Variants in RECQL observed in about 807,000 individuals in gnomAD.
RECQL encodes ATP-dependent DNA helicase Q1.
A neutral mutation model predicts 75.8 loss-of-function variants in RECQL; 73 were observed. That is an observed-to-expected ratio of 0.96 (90% CI 0.80 to 1.17). RECQL has a LOEUF of 1.17. Ranked by LOEUF, RECQL falls within the 50% of genes most tolerant of loss-of-function variation. The probability of loss-of-function intolerance (pLI) is 0.00; values close to 1 mark genes in which losing one functional copy is unlikely to be tolerated. For synonymous variants in RECQL, 248 were observed against 254.4 expected, an observed-to-expected ratio of 0.97 and a Z score of 0.24; for missense variants, 699 against 772.1, an observed-to-expected ratio of 0.91 and a Z score of 1.12.
intron 5 of RECQL, among the ~76,000 whole-genome samples, chr12:21,484,906 G>C (rs1260075180): frequency 1.3e-5 from 2 of 150,690 alleles, no homozygotes; most frequent in African/African-American, 4.9e-5. Context: ...AACTCATAAA[G>C]AAAGGGAAAA....
chr12:21,471,734 A>T (rs1477782983), intron 12 of RECQL, 87 bp from the exon 13 acceptor site: 2 of 1,044,166 alleles, frequency 1.9e-6, no homozygotes, highest in Non-Finnish European at 2.9e-6. Context: ...AACTGGTTTA[A>T]AGCTGGTTAT....
At chr12:21,475,068 G>A (rs1943056972) in intron 10 of RECQL, 89 bp from the exon 11 acceptor site, 2 of 1,285,490 alleles carry the variant, frequency 1.6e-6, no homozygotes, top group African/African-American at 1.5e-5. Flanking sequence ...AGCAGGCAAT[G>A]TTTTATACTA....
At chr12:21,493,961 G>A (rs781211902) in intron 2 of RECQL, among the ~76,000 whole-genome samples, 94 of 152,312 alleles carry the variant, frequency 6.2e-4, no homozygotes, top group Non-Finnish European at 7.6e-4. Context: ...ATATAAAGGC[G>A]TATCCGAGGC....
intron 4 of RECQL, among the ~76,000 whole-genome samples, chr12:21,488,191 C>G (rs1012633574): frequency 6.6e-6 from 1 of 152,198 alleles, no homozygotes. Context: ...CTCATTGAAA[C>G]TTACATCCTT....
intron 9 of RECQL, 38 bp from the exon 10 acceptor site, chr12:21,475,623 A>G (rs113843129): frequency 1.2e-5 from 20 of 1,606,314 alleles, no homozygotes; most frequent in African/African-American, 1.2e-4. Context: ...AATTAAATCA[A>G]GTTTAAATAT....
Position 21,473,217 on chromosome 12 carries a change from TA to T in RECQL, c.1447+333del, listed in dbSNP as rs747411321. On this transcript the variant is annotated intron_variant, in intron 12 of 14. Transcript: ENST00000444129. ...GGTCCCAAGAGATTATATAATACCATATATTTTTTTTTGAGACGGAGTCTCG... is the reference window on the plus strand; with the variant it reads ...GGTCCCAAGAGATTATATAATACCATTATTTTTTTTTGAGACGGAGTCTCG... Among the ~76,000 whole-genome samples the T allele has an allele frequency of 1.2e-4, 18 of 152,222 alleles. 1 individual carries two copies. The East Asian group carries it at 2.1e-3, about 18-fold the overall frequency.
In RECQL at chr12:21,475,814, A is replaced by G. The variant is rs1943076247; in HGVS notation, c.960T>C (p.Tyr320=). Residue 320 remains tyrosine (Y), a synonymous_variant, in exon 9 of 15, where the codon TAT becomes TAC. Transcript: ENST00000444129. ...GRYKGQSGII[Y]CFSQKDSEQV... is the part of the protein sequence containing the mutation. ...GTTCAGAGTCTTTCTGAGAAAAACA[A>G]TATATGATTCCTGCAGTAAAATATG... The G allele has an allele frequency of 1.2e-6, 2 of 1,611,794 alleles. No individual in the cohort carries two copies. The highest frequency in any genetic ancestry group is 1.1e-5 in the South Asian group (1 of 90,984).
intron 11 of RECQL, among the ~76,000 whole-genome samples, chr12:21,474,412 T>C (rs181427491): frequency 6.6e-6 from 1 of 152,200 alleles, no homozygotes; most frequent in East Asian, 1.9e-4. Context: ...AAAGCCACCC[T>C]AAGTAGATTT....
Position 21,470,090 on chromosome 12 carries a change from T to C in RECQL, c.*104A>G, listed in dbSNP as rs1285844649. ...CTCTGAAAATATAGATCCATACATATAAAATATCTATGAAATTCTTTTAAA... is the reference window on the plus strand; with the variant it reads ...CTCTGAAAATATAGATCCATACATACAAAATATCTATGAAATTCTTTTAAA... On this transcript the variant is annotated 3_prime_UTR_variant, in exon 15 of 15. Transcript: ENST00000444129. The C allele has an allele frequency of 5.7e-6, 6 of 1,045,488 alleles. No individual in the cohort carries two copies. The highest frequency in any genetic ancestry group is 2.7e-5 in the East Asian group (1 of 37,614). The allele number at this position is 1,045,488 out of a possible 1,614,324, so 64.8% of individuals were successfully genotyped here. A position where few individuals can be genotyped will look rare whatever the true frequency, so the allele number is the denominator to read the frequency against.
chr12:21,495,424 G>A (rs548531153), intron 2 of RECQL, among the ~76,000 whole-genome samples: 7 of 152,108 alleles, frequency 4.6e-5, no homozygotes, highest in East Asian at 1.9e-4. Context: ...GTGAAACCCC[G>A]TCTCTACTAA....
At chr12:21,486,979 CCTT>C (rs1943317857) in intron 4 of RECQL, among the ~76,000 whole-genome samples, 1 of 152,076 alleles carries the variant, frequency 6.6e-6, no homozygotes, top group Non-Finnish European at 1.5e-5. Flanking sequence ...GGCCCATTCA[CCTT>C]CTTAACTTGT....
chr12:21,475,352 A>C (rs1943063657), intron 10 of RECQL, 116 bp downstream of exon 10: 1 of 678,814 alleles, frequency 1.5e-6, no homozygotes, highest in African/African-American at 1.8e-5. Flanking sequence ...CTAAAAATAC[A>C]TTGTTCTAAA....
Position 21,486,591 on chromosome 12 carries a change from A to G in RECQL, c.395-6T>C, listed in dbSNP as rs777297872. The G allele has an allele frequency of 3.2e-6, 5 of 1,557,542 alleles. No homozygotes were observed. In the South Asian group the frequency reaches 6.0e-5, roughly 19 times the overall value. On this transcript the variant is annotated splice_polypyrimidine_tract_variant and splice_region_variant and intron_variant, in intron 4 of 14. Transcript: ENST00000444129. Reference sequence around the variant, plus strand: ...GCAAATGACGAGTGTAAAACCTAAAAGAGAAAAAAAAAAAAATCTACCTTA... The same window carrying G: ...GCAAATGACGAGTGTAAAACCTAAAGGAGAAAAAAAAAAAAATCTACCTTA...
chr12:21,485,953 AGG>A (rs1267819053), intron 5 of RECQL, among the ~76,000 whole-genome samples: 3 of 152,228 alleles, frequency 2.0e-5, no homozygotes, highest in Non-Finnish European at 2.9e-5. Context: ...CCACAGGTAT[AGG>A]GTAACTTCTT....
chr12:21,496,571 AAGCAGCAGT>A (rs1943512616), intron 2 of RECQL, among the ~76,000 whole-genome samples: 1 of 152,186 alleles, frequency 6.6e-6, no homozygotes, highest in African/African-American at 2.4e-5. Context: ...GCTGAGCAAG[AAGCAGCAGT>A]AGCAGCTACT....
Position 21,489,409 on chromosome 12 carries a change from C to T in RECQL, c.394+790G>A, listed in dbSNP as rs768448647. ...CAATCAGTAATATCAGTAGCACTAG[C>T]GAACTTGTTAGAAATGCAGGATCTT... On this transcript the variant is annotated intron_variant, in intron 4 of 14. Coordinates refer to ENST00000444129, the MANE Select transcript of RECQL (RefSeq NM_002907.4). Among the ~76,000 whole-genome samples the T allele has an allele frequency of 2.0e-5, 3 of 152,146 alleles. No individual in the cohort carries two copies. In the South Asian group the frequency reaches 6.2e-4, roughly 31 times the overall value.
chr12:21,499,449 A>G, intron 2 of RECQL, 106 bp downstream of exon 2: 1 of 1,105,496 alleles, frequency 9.0e-7, no homozygotes, highest in Non-Finnish European at 1.3e-6. Flanking sequence ...AAAAAAGCTG[A>G]AAAAAATCAT....
At position 21,469,960 on chromosome 12, in the gene RECQL, AG is replaced by A; in HGVS notation, c.*233del. ...TTATTCTCAAATATTTTACATTTAA[AG>A]GGTTTTACATAAAAATTTTTCCCTT... On this transcript the variant is annotated 3_prime_UTR_variant, in exon 15 of 15. Coordinates refer to ENST00000444129, the MANE Select transcript of RECQL (RefSeq NM_002907.4). 2.3e-6 allele frequency: 1 copy of A among 431,666 alleles called. No individual in the cohort carries two copies. The highest frequency in any genetic ancestry group is 4.2e-5 in the Admixed American group (1 of 23,864). The allele number at this position is 431,666 out of a possible 1,614,324, so 26.7% of individuals were successfully genotyped here. A position where few individuals can be genotyped will look rare whatever the true frequency, so the allele number is the denominator to read the frequency against.
rs1943068157 is a variant in RECQL, at chr12:21,475,536, A to C, written c.1148T>G (p.Val383Gly). The change falls in exon 10 of 15, where the codon GTG becomes GGG. Residue 383 changes from valine (V) to glycine (G), a missense_variant. Coordinates refer to ENST00000444129, the MANE Select transcript of RECQL (RefSeq NM_002907.4). ...CATTGAATGATGGATAACAAACCTC[A>C]CATCTGGCTTATCAATTCCCATACC... ...AFGMGIDKPD[V>G]RFVIHHSMSK... The C allele has an allele frequency of 6.2e-7, 1 of 1,612,814 alleles. No homozygotes were observed. The highest frequency in any genetic ancestry group is 1.3e-5 in the African/African-American group (1 of 74,892).
Sources: gnomAD v4.1 joint callset for allele counts (sites outside exome capture counted in the v4.1 genomes callset) on GRCh38, gnomAD v4.1.1 for gene constraint, MANE v1.5 for transcripts, NCBI Gene and HGNC (gene_info 2026-07-23, HGNC 2026-07-21) for gene names.